Variants in SLC19A1 observed in about 807,000 individuals in gnomAD.
SLC19A1 encodes reduced folate transporter.
In SLC19A1, 37 loss-of-function variants were observed where a neutral mutation model predicts 35.3. The observed-to-expected ratio is 1.05, with a 90% confidence interval of 0.81 to 1.38. SLC19A1 has a LOEUF of 1.38. Ranked by LOEUF, SLC19A1 falls within the 40% of genes most tolerant of loss-of-function variation. The pLI is 0.00. For missense variants in SLC19A1, 831 were observed against 826.9 expected (o/e 1.00, Z -0.06); for synonymous variants, 460 against 398.5 (o/e 1.15, Z -1.84).
chr21:45,539,174 C>T (rs1001275507), intron 1 of SLC19A1, among the ~76,000 whole-genome samples: 17 of 152,232 alleles, frequency 1.1e-4, no homozygotes, highest in East Asian at 3.8e-4. Flanking sequence ...GTGTGTCAGA[C>T]GCCCACACCA....
intron 3 of SLC19A1, among the ~76,000 whole-genome samples, chr21:45,504,709 CGCA>C (rs1602611294): frequency 6.6e-6 from 1 of 152,012 alleles, no homozygotes; most frequent in African/African-American, 2.4e-5. Flanking sequence ...CGTGTGGGGA[CGCA>C]GCAGGCCACA....
chr21:45,508,001 ATGGATGGATGGG>A (rs1477137904), downstream of SLC19A1, among the ~76,000 whole-genome samples: 2 of 150,774 alleles, frequency 1.3e-5, no homozygotes, highest in African/African-American at 5.0e-5. Flanking sequence ...GGGGAGGTGG[ATGGATGGATGGG>A]TGGATGGAGA....
At chr21:45,507,621 G>C (rs755721941), downstream of SLC19A1, 9 of 1,610,026 alleles carry the variant, frequency 5.6e-6, no homozygotes, top group Admixed American at 1.3e-4. Flanking sequence ...TGTTGAGACT[G>C]GTGGGTGGTC....
chr21:45,510,021 G>T, downstream of SLC19A1: 1 of 1,533,364 alleles, frequency 6.5e-7, no homozygotes, highest in South Asian at 1.2e-5. Flanking sequence ...GGGTGCAGGG[G>T]GCAGCGTGGG....
chr21:45,528,882 G>A (rs981609986), intron 4 of SLC19A1, among the ~76,000 whole-genome samples: 1 of 152,246 alleles, frequency 6.6e-6, no homozygotes, highest in African/African-American at 2.4e-5. Flanking sequence ...ATTCCCCGTA[G>A]CAAACAGCAG....
Position 45,515,909 on chromosome 21 carries a change from C to G in SLC19A1, c.1525G>C (p.Gly509Arg). The G allele has an allele frequency of 6.4e-7, 1 of 1,551,952 alleles. No homozygotes were observed. Among genetic ancestry groups the G allele is most frequent in the Non-Finnish European group, 8.7e-7 (1 of 1,148,784 alleles). The change falls in exon 6 of 6, where the codon GGG (glycine) becomes CGG (arginine). Residue 509 changes from glycine (G) to arginine (R), a missense_variant. Coordinates refer to ENST00000311124, the MANE Select transcript of SLC19A1 (RefSeq NM_194255.4). ...TCCAGGGAGGCTGGCCCCACAGCCC[C>G]CAGGCTGTCTTCTGGGGAAAGCGGC... Reference protein sequence around the residue: ...SPPLSPEDSLGAVGPASLEQR... With the variant: ...SPPLSPEDSLRAVGPASLEQR...
chr21:45,552,521 C>A (rs1199279219), intron 1 of SLC19A1, among the ~76,000 whole-genome samples: 1 of 152,276 alleles, frequency 6.6e-6, no homozygotes, highest in East Asian at 1.9e-4. Flanking sequence ...TGTGCAGAGA[C>A]CCCGGGTCCT....
At chr21:45,547,381 A>C (rs2078425217), upstream of SLC19A1, among the ~76,000 whole-genome samples, 1 of 152,210 alleles carries the variant, frequency 6.6e-6, no homozygotes, top group Non-Finnish European at 1.5e-5. Flanking sequence ...CATGAGGGGA[A>C]GGGAGGGATG....
chr21:45,532,282 C>G (rs776514331), intron 2 of SLC19A1, 134 bp from the exon 3 acceptor site: 6 of 685,140 alleles, frequency 8.8e-6, no homozygotes, highest in East Asian at 2.7e-5. Flanking sequence ...CTCCCCAACA[C>G]GCCCCTGTCC....
chr21:45,508,187 ATGG>A (rs1238095911), downstream of SLC19A1, among the ~76,000 whole-genome samples: 1 of 145,952 alleles, frequency 6.9e-6, no homozygotes, highest in Non-Finnish European at 1.5e-5. Context: ...AGATGGATGG[ATGG>A]TGGACAGGTG....
intron 5 of SLC19A1, among the ~76,000 whole-genome samples, chr21:45,519,501 A>G (rs934945048): frequency 1.4e-5 from 2 of 146,820 alleles, no homozygotes; most frequent in Non-Finnish European, 3.0e-5. Context: ...AAAAAGATGT[A>G]TCATGTGAAC....
Position 45,516,594 on chromosome 21 carries a change from A to G in SLC19A1, c.1294-454T>C, listed in dbSNP as rs532196284. Among the ~76,000 whole-genome samples the G allele has an allele frequency of 2.0e-5, 3 of 152,322 alleles. No homozygotes were observed. The East Asian group carries it at 5.8e-4, about 29-fold the overall frequency. On this transcript the variant is annotated intron_variant, in intron 5 of 5. Transcript: ENST00000311124. Reference sequence around the variant, plus strand: ...CTTCGCGCCCAGAGCAACCCCCAGCAGCCTGCACATGGAGCCCGTCTCCAT... The same window carrying G: ...CTTCGCGCCCAGAGCAACCCCCAGCGGCCTGCACATGGAGCCCGTCTCCAT...
chr21:45,531,290 G>A (rs2077885400), intron 3 of SLC19A1, 99 bp downstream of exon 3: 3 of 1,473,452 alleles, frequency 2.0e-6, no homozygotes, highest in Non-Finnish European at 2.7e-6. Flanking sequence ...TGGGGCAGGG[G>A]GCGGGAGAGG....
At chr21:45,512,514 G>T, downstream of SLC19A1, 1 of 910,348 alleles carries the variant, frequency 1.1e-6, no homozygotes, top group South Asian at 1.4e-5. Flanking sequence ...ATACTTTCCT[G>T]TATAGTTCAC....
At chr21:45,511,770 G>A (rs2236484), downstream of SLC19A1, among the ~76,000 whole-genome samples, 70,509 of 152,112 alleles carry the variant, frequency 0.46, 16,743 homozygotes, top group African/African-American at 0.56. Flanking sequence ...CTGCTGTAAC[G>A]GAGATGCACC....
chr21:45,550,683 G>A (rs779101055), intron 1 of SLC19A1, among the ~76,000 whole-genome samples: 10 of 152,186 alleles, frequency 6.6e-5, no homozygotes, highest in South Asian at 2.1e-4. Flanking sequence ...TGCAGATTTC[G>A]TCGTCTTCTT....
In SLC19A1 at chr21:45,504,134, C is replaced by T. The variant is rs1045853425; in HGVS notation, c.498-5522G>A. The T allele has an allele frequency of 3.7e-5, 55 of 1,504,368 alleles. No individual in the cohort carries two copies. The South Asian group carries it at 5.7e-4, about 16-fold the overall frequency. The allele number at this position is 1,504,368 out of a possible 1,614,324, so 93.2% of individuals were successfully genotyped here. A position where few individuals can be genotyped will look rare whatever the true frequency, so the allele number is the denominator to read the frequency against. ...GGTGGCTGCTCCCAATTTCTCGCCC[C>T]ATCCGGCCCAAGCCCCCTTCCTGTT... On this transcript the variant is annotated intron_variant, in intron 3 of 4. Coordinates refer to the SLC19A1 transcript ENST00000417954.
Position 45,558,147 on chromosome 21 carries a change from C to G in SLC19A1, c.-50+4595G>C, listed in dbSNP as rs553741136. On this transcript the variant is annotated intron_variant, in intron 1 of 5. Coordinates refer to the SLC19A1 transcript ENST00000650808. ...GCTGACGAGAGACTGGAGGCGGCTTCTGAAAACCCTTCGGGGCCAAGGCTC... is the reference window on the plus strand; with the variant it reads ...GCTGACGAGAGACTGGAGGCGGCTTGTGAAAACCCTTCGGGGCCAAGGCTC... Among the ~76,000 whole-genome samples the G allele has an allele frequency of 1.3e-3, 194 of 152,386 alleles. 2 individuals carry two copies. Among genetic ancestry groups the G allele is most frequent in the East Asian group, 3.9e-4 (2 of 5,186 alleles).
intron 1 of SLC19A1, among the ~76,000 whole-genome samples, chr21:45,554,593 G>A (rs1447611489): frequency 7.1e-6 from 1 of 140,762 alleles, no homozygotes; most frequent in Non-Finnish European, 1.5e-5. Context: ...CTGGCCAGGG[G>A]CACTCAGCAT....
Sources: gnomAD v4.1 joint callset for allele counts (sites outside exome capture counted in the v4.1 genomes callset) on GRCh38, gnomAD v4.1.1 for gene constraint, MANE v1.5 for transcripts, NCBI Gene and HGNC (gene_info 2026-07-23, HGNC 2026-07-21) for gene names.